NADSYN1: variants seen among roughly 807,000 people sequenced by gnomAD.
NADSYN1 encodes glutamine-dependent NAD(+) synthetase.
Under a neutral mutation model 99.3 loss-of-function variants are expected in NADSYN1, and 80 were observed. The observed-to-expected ratio is 0.81, with a 90% CI of 0.67 to 0.97. The LOEUF (loss-of-function observed/expected upper bound fraction) is 0.97, where lower values mean the gene tolerates loss of function less well. Among genes scored for constraint, NADSYN1 ranks in the 50% least tolerant of loss-of-function variants. The pLI is 0.00. For missense variants in NADSYN1, 859 were observed against 948.5 expected, an observed-to-expected ratio of 0.91 and a Z score of 1.24; for synonymous variants, 385 against 372.1, an observed-to-expected ratio of 1.03 and a Z score of -0.40.
At position 71,485,567 on chromosome 11, in the gene NADSYN1, A is replaced by G. The variant is rs1250870528; in HGVS notation, c.1481A>G (p.Tyr494Cys). The change falls in exon 16 of 21, where the codon TAT (tyrosine) becomes TGT (cysteine). Residue 494 changes from tyrosine (Y) to cysteine (C), a missense_variant. Physicochemically the swap from Tyr to Cys is radical, Grantham distance 194 (BLOSUM62 -2). Coordinates refer to ENST00000319023, the MANE Select transcript of NADSYN1 (RefSeq NM_018161.5). ...VQARIRMVLA[Y>C]LFAQLSLWSR... The stretch of plus-strand genomic sequence containing the variant: ...GCTCGAATACGGATGGTCCTCGCCT[A>G]TCTGTTTGCTCAGTTGAGCCTCTGG... 6.4e-7 allele frequency: 1 copy of G among 1,560,744 alleles called. No homozygotes were observed. The highest frequency in any genetic ancestry group is 8.7e-7 in the Non-Finnish European group (1 of 1,151,934).
intron 11 of NADSYN1, 193 bp from the exon 12 acceptor site, chr11:71,481,163 A>C (rs923766355): frequency 1.3e-5 from 9 of 680,946 alleles, no homozygotes; most frequent in Admixed American, 7.7e-5. Flanking sequence ...GACGATGATA[A>C]TACCCACGTC....
intron 16 of NADSYN1, among the ~76,000 whole-genome samples, chr11:71,488,389 G>A (rs1040712705): frequency 3.9e-5 from 6 of 152,104 alleles, no homozygotes; most frequent in Admixed American, 1.3e-4. Context: ...AAAGGCCTGC[G>A]GGAGGCGAGG....
At chr11:71,472,576 G>A in intron 6 of NADSYN1, 76 bp downstream of exon 6, 1 of 1,347,564 alleles carries the variant, frequency 7.4e-7, no homozygotes, top group Non-Finnish European at 1.1e-6. Context: ...AGGTGGGGCG[G>A]GAACGCTTTG....
intron 9 of NADSYN1, among the ~76,000 whole-genome samples, chr11:71,478,090 G>T (rs992882174): frequency 1.3e-5 from 2 of 151,930 alleles, no homozygotes; most frequent in Non-Finnish European, 1.5e-5. Context: ...ACTGACAGGG[G>T]TGTCTTACTG....
At chr11:71,488,538 C>T (rs577939610) in intron 16 of NADSYN1, among the ~76,000 whole-genome samples, 18 of 152,166 alleles carry the variant, frequency 1.2e-4, no homozygotes, top group Admixed American at 3.9e-4. Flanking sequence ...TGCGGCGTGT[C>T]GGGCAGAGGG....
At chr11:71,478,182 G>A (rs1202279535) in intron 9 of NADSYN1, among the ~76,000 whole-genome samples, 1 of 152,144 alleles carries the variant, frequency 6.6e-6, no homozygotes, top group South Asian at 2.1e-4. Flanking sequence ...ACTGGCAAGT[G>A]TCTGAATGAA....
intron 5 of NADSYN1, among the ~76,000 whole-genome samples, chr11:71,468,945 G>A (rs577439383): frequency 3.3e-5 from 5 of 152,152 alleles, no homozygotes; most frequent in South Asian, 4.1e-4. Flanking sequence ...GGGAAAAAAT[G>A]ATAAAATTTT....
chr11:71,472,583 T>C, intron 6 of NADSYN1, 83 bp downstream of exon 6: 3 of 1,319,560 alleles, frequency 2.3e-6, no homozygotes, highest in Non-Finnish European at 3.3e-6. Context: ...GCGGGAACGC[T>C]TTGGGATCCA....
At chr11:71,455,525 G>A (rs1000098507) in intron 2 of NADSYN1, 2 of 253,514 alleles carry the variant, frequency 7.9e-6, no homozygotes, top group African/African-American at 2.2e-5. Context: ...GGAATTAAGA[G>A]ATGAGGCCTT....
At chr11:71,476,569 G>A (rs570427683) in intron 9 of NADSYN1, 2 of 770,490 alleles carry the variant, frequency 2.6e-6, no homozygotes, top group East Asian at 2.4e-4. Flanking sequence ...GGGCAGGCAA[G>A]GGTGTGGCCG....
At chr11:71,458,340 C>A in intron 2 of NADSYN1, 88 bp from the exon 3 acceptor site, 1 of 944,980 alleles carries the variant, frequency 1.1e-6, no homozygotes, top group Non-Finnish European at 1.7e-6. Flanking sequence ...GGCCCCCAGA[C>A]ACGTTCAGAC....
chr11:71,481,456 C>T, intron 12 of NADSYN1, 52 bp downstream of exon 12: 1 of 1,558,152 alleles, frequency 6.4e-7, no homozygotes, highest in Middle Eastern at 1.7e-4. Flanking sequence ...GCTGGTTGGT[C>T]TGGTTTTATT....
intron 2 of NADSYN1, among the ~76,000 whole-genome samples, chr11:71,455,994 A>G (rs946240204): frequency 6.6e-6 from 1 of 152,216 alleles, no homozygotes; most frequent in Non-Finnish European, 1.5e-5. Flanking sequence ...TGTAAGCGAT[A>G]GTCCTTTCTC....
Position 71,480,844 on chromosome 11 carries a change from C to A in NADSYN1, c.963C>A (p.Ile321=). The part of the protein sequence containing the change: ...EDLLAPISEP[I]EWKYHSPEEE... ...TGCTGGCACCCATCTCTGAGCCCAT[C>A]GAGTGGAAATACCACAGCCCTGAGG... is the stretch of plus-strand genomic sequence containing the variant. Residue 321 remains isoleucine, a synonymous_variant, in exon 11 of 21, where the codon ATC becomes ATA. Transcript: ENST00000319023. 1 of 1,614,176 alleles carries A rather than the reference C, an allele frequency of 6.2e-7. No homozygotes were observed. The highest frequency in any genetic ancestry group is 8.5e-7 in the Non-Finnish European group (1 of 1,180,016).
chr11:71,501,188 T>C (rs1949855065), intron 20 of NADSYN1, 114 bp from the exon 21 acceptor site: 1 of 978,100 alleles, frequency 1.0e-6, no homozygotes, highest in Non-Finnish European at 1.4e-6. Context: ...GGGACTCTGG[T>C]AATTTACTTT....
Position 71,453,260 on chromosome 11 carries a change from C to T in NADSYN1, c.-37C>T, listed in dbSNP as rs1391568282. 2.5e-6 allele frequency: 4 copies of T among 1,593,530 alleles called. No individual in the cohort carries two copies. Among genetic ancestry groups the T allele is most frequent in the African/African-American group, 1.3e-5 (1 of 74,392 alleles). ...CTCGCTGGGACCCTGGTCTTGCTGT[C>T]CCCCGCTGGCCTCCTGCCCAAGCGA... On this transcript the variant is annotated 5_prime_UTR_variant, in exon 1 of 21. Transcript: ENST00000319023.
intron 20 of NADSYN1, 78 bp from the exon 21 acceptor site, chr11:71,501,223 CT>C: frequency 7.5e-7 from 1 of 1,339,410 alleles, no homozygotes. Context: ...TTGTGACCCG[CT>C]TTTGGTGCGT....
At chr11:71,495,205 A>G (rs1467518146) in intron 18 of NADSYN1, among the ~76,000 whole-genome samples, 2 of 151,766 alleles carry the variant, frequency 1.3e-5, no homozygotes, top group Non-Finnish European at 2.9e-5. Flanking sequence ...TGCCTCCCAC[A>G]TGTTTTGGTC....
chr11:71,463,352 C>T, intron 3 of NADSYN1, 80 bp from the exon 4 acceptor site: 1 of 1,289,320 alleles, frequency 7.8e-7, no homozygotes, highest in East Asian at 2.3e-5. Flanking sequence ...TGCATGATTC[C>T]AGAGCTGCAG....
Sources: allele counts gnomAD v4.1 joint callset (sites outside exome capture counted in the v4.1 genomes callset), GRCh38; gene constraint gnomAD v4.1.1; transcripts MANE v1.5; gene names NCBI Gene and HGNC (gene_info 2026-07-23, HGNC 2026-07-21).